Variants in RYK observed in about 807,000 individuals in gnomAD.
The protein encoded by RYK is inactive tyrosine-protein kinase RYK.
Under a neutral mutation model 70.2 loss-of-function variants are expected in RYK, and 21 were observed. The observed-to-expected ratio is 0.30, with a 90% CI of 0.21 to 0.43. The LOEUF is 0.43. RYK is among the 20% of genes least tolerant of loss of function. The probability of loss-of-function intolerance (pLI) is 1.00; values close to 1 mark genes in which losing one functional copy is unlikely to be tolerated. For missense variants in RYK, 604 were observed against 753.3 expected (o/e 0.80, Z 2.32); for synonymous variants, 267 against 278.0 (o/e 0.96, Z 0.39).
At chr3:134,248,434 A>C (rs1042371950) in intron 1 of RYK, among the ~76,000 whole-genome samples, 5 of 152,186 alleles carry the variant, frequency 3.3e-5, no homozygotes, top group Non-Finnish European at 7.3e-5. Context: ...TTTATTTTCC[A>C]CCATGACATA....
intron 1 of RYK, among the ~76,000 whole-genome samples, chr3:134,225,057 G>A (rs993290876): frequency 1.2e-4 from 19 of 152,156 alleles, no homozygotes; most frequent in African/African-American, 4.6e-4. Context: ...AGCACTAGCT[G>A]GGTAGCACTG....
intron 8 of RYK, among the ~76,000 whole-genome samples, chr3:134,190,249 C>G (rs2013604781): frequency 6.6e-6 from 1 of 152,174 alleles, no homozygotes; most frequent in Non-Finnish European, 1.5e-5. Context: ...AAGGTTTTCC[C>G]TTCTCTCTCC....
At chr3:134,215,047 T>TTATC (rs1187295729) in intron 2 of RYK, among the ~76,000 whole-genome samples, 1 of 152,230 alleles carries the variant, frequency 6.6e-6, no homozygotes, top group Non-Finnish European at 1.5e-5. Flanking sequence ...TTCTATCTAA[T>TTATC]TATCCTACAG....
chr3:134,158,148 A>G lies in RYK; in HGVS notation c.*5T>C. 2 of 1,439,254 alleles carry G rather than the reference A, an allele frequency of 1.4e-6. No homozygotes were observed. Among genetic ancestry groups the G allele is most frequent in the East Asian group, 2.6e-5 (1 of 38,170 alleles). The allele number at this position is 1,439,254 out of a possible 1,614,324, so 89.2% of individuals were successfully genotyped here. On this transcript the variant is annotated 3_prime_UTR_variant, in exon 15 of 15. Transcript: ENST00000623711. ...TCTTCCTGATGGTGTGGGATTGGAG[A>G]GGAGTCAGACGTAGGCCCCCAGGGC...
chr3:134,250,426 T>C lies in RYK; in HGVS notation c.229A>G (p.Ile77Val). 1 of 1,400,136 alleles carries C rather than the reference T, an allele frequency of 7.1e-7. No homozygotes were observed. The highest frequency in any genetic ancestry group is 9.3e-7 in the Non-Finnish European group (1 of 1,074,640). 86.7% of individuals were successfully genotyped at this position (1,400,136 alleles called of 1,614,324 possible). The change falls in exon 1 of 15, where the codon ATC becomes GTC. Residue 77 changes from isoleucine (I) to valine (V), a missense_variant. Physicochemically the swap from Ile to Val is conservative, Grantham distance 29. This residue lies in a region of RYK where 466 missense variants were observed against 535.9 expected (regional missense o/e 0.87). Coordinates refer to ENST00000623711, the MANE Select transcript of RYK (RefSeq NM_002958.4). ...CGGCCTCGGCGGCCCCACTCACCGA[T>C]CAGCCGGCGCACCTCGTCCTCGCTC... ...YLSEDEVRRL[I>V]GLDAELYYVR...
chr3:134,239,360 G>A (rs2015265814), intron 1 of RYK, among the ~76,000 whole-genome samples: 1 of 152,040 alleles, frequency 6.6e-6, no homozygotes. Flanking sequence ...CTATTTAGAG[G>A]CTGAGACAGA....
At chr3:134,224,222 A>T (rs757113489) in intron 1 of RYK, among the ~76,000 whole-genome samples, 16 of 152,138 alleles carry the variant, frequency 1.1e-4, no homozygotes, top group Non-Finnish European at 2.1e-4. Flanking sequence ...TATTGTATAC[A>T]AGGCAAGGGG....
rs1010932629 is a variant in RYK at position 134,160,796 on chromosome 3, G to A, written c.1576-1423C>T. Reference sequence around the variant, plus strand: ...CTTAAACCCGGGAGGCGGAGGTTGCGGTGAGCCGAGATCGCGCCACTGCAC... The same window carrying A: ...CTTAAACCCGGGAGGCGGAGGTTGCAGTGAGCCGAGATCGCGCCACTGCAC... On this transcript the variant is annotated intron_variant, in intron 13 of 14. Coordinates refer to ENST00000623711, the MANE Select transcript of RYK (RefSeq NM_002958.4). Among the ~76,000 whole-genome samples the A allele has an allele frequency of 5.3e-5, 8 of 152,260 alleles. No individual in the cohort carries two copies. The East Asian group carries it at 7.7e-4, about 15-fold the overall frequency.
chr3:134,197,068 T>C (rs2013840183), intron 6 of RYK, among the ~76,000 whole-genome samples: 1 of 152,204 alleles, frequency 6.6e-6, no homozygotes, highest in Non-Finnish European at 1.5e-5. Context: ...AAACTGCAAT[T>C]ACTGCACCAA....
intron 7 of RYK, among the ~76,000 whole-genome samples, chr3:134,193,065 G>GTA (rs1024274677): frequency 8.6e-5 from 13 of 151,808 alleles, no homozygotes; most frequent in African/African-American, 2.2e-4. Context: ...TTTGTTTTCA[G>GTA]TATATATATA....
At chr3:134,229,685 T>A (rs1050318138) in intron 1 of RYK, among the ~76,000 whole-genome samples, 6 of 152,158 alleles carry the variant, frequency 3.9e-5, no homozygotes, top group Non-Finnish European at 7.3e-5. Context: ...TAATTTTTTT[T>A]AATGATTTGT....
At chr3:134,188,146 T>G (rs1470546802) in intron 9 of RYK, among the ~76,000 whole-genome samples, 1 of 141,154 alleles carries the variant, frequency 7.1e-6, no homozygotes, top group African/African-American at 2.6e-5. Flanking sequence ...GAGGACAATC[T>G]AACAATATAT....
intron 5 of RYK, among the ~76,000 whole-genome samples, chr3:134,203,327 G>A (rs966701243): frequency 2.0e-5 from 3 of 152,090 alleles, no homozygotes; most frequent in Non-Finnish European, 2.9e-5. Flanking sequence ...CAGCGTGGGC[G>A]ACAGACCATC....
In RYK at chr3:134,209,733, G is replaced by T; in HGVS notation, c.551C>A (p.Thr184Asn). 1 of 1,494,806 alleles carries T rather than the reference G, an allele frequency of 6.7e-7. No homozygotes were observed. Among genetic ancestry groups the T allele is most frequent in the Non-Finnish European group, 8.9e-7 (1 of 1,120,380 alleles). The allele number at this position is 1,494,806 out of a possible 1,614,324, so 92.6% of individuals were successfully genotyped here. A position where few individuals can be genotyped will look rare whatever the true frequency, so the allele number is the denominator to read the frequency against. ...TTTCCTTCGTTTAAAATTTAAGACG[G>T]TAAAATTTTTTGAAGAATTTACTGT... The part of the protein sequence containing the change: ...NLTVNSSKNF[T>N]VLNFKRRKMC... Residue 184 changes from threonine to asparagine, a missense_variant, in exon 4 of 15, where the codon ACC becomes AAC. Thr to Asn is a moderately conservative substitution (Grantham distance 65, BLOSUM62 0). This residue lies in a region of RYK where 466 missense variants were observed against 535.9 expected (regional missense o/e 0.87). Coordinates refer to ENST00000623711, the MANE Select transcript of RYK (RefSeq NM_002958.4).
chr3:134,166,480 T>G (rs2012672078), intron 13 of RYK, among the ~76,000 whole-genome samples: 1 of 152,210 alleles, frequency 6.6e-6, no homozygotes, highest in Non-Finnish European at 1.5e-5. Context: ...TCAGCAATCT[T>G]TAAGCAGAGT....
intron 6 of RYK, among the ~76,000 whole-genome samples, chr3:134,201,673 A>G (rs748235648): frequency 2.6e-5 from 4 of 152,190 alleles, no homozygotes; most frequent in Non-Finnish European, 5.9e-5. Flanking sequence ...TGGGAAGAAG[A>G]AAGCATGAAC....
rs951202440 is a variant in RYK at position 134,207,539 on chromosome 3, A to C, written c.590-14T>G. On this transcript the variant is annotated splice_polypyrimidine_tract_variant and intron_variant, in intron 4 of 14. Coordinates refer to ENST00000623711, the MANE Select transcript of RYK (RefSeq NM_002958.4). ...CTTCTTCAAGTTCTGAATTTAAAGG[A>C]GAAAAATGATGCTTTAGAAATTCTC... 4.6e-6 allele frequency: 7 copies of C among 1,510,018 alleles called. No homozygotes were observed. The highest frequency in any genetic ancestry group is 5.4e-6 in the Non-Finnish European group (6 of 1,117,562). 93.5% of individuals were successfully genotyped at this position (1,510,018 alleles called of 1,614,324 possible). A position where few individuals can be genotyped will look rare whatever the true frequency, so the allele number is the denominator to read the frequency against.
chr3:134,242,621 A>G (rs1056407500), intron 1 of RYK, among the ~76,000 whole-genome samples: 2 of 152,172 alleles, frequency 1.3e-5, no homozygotes, highest in Non-Finnish European at 2.9e-5. Context: ...AGCTGGCAAG[A>G]TTTTTCAGAA....
chr3:134,217,944 T>C (rs2014611579), intron 2 of RYK, among the ~76,000 whole-genome samples: 1 of 152,222 alleles, frequency 6.6e-6, no homozygotes, highest in African/African-American at 2.4e-5. Flanking sequence ...ACTGCAATAG[T>C]GGCTGAAGCC....
Sources: gnomAD v4.1 joint callset for allele counts (sites outside exome capture counted in the v4.1 genomes callset) on GRCh38, gnomAD v4.1.1 for gene constraint, gnomAD v4.1.1 regional missense constraint, MANE v1.5 for transcripts, NCBI Gene and HGNC (gene_info 2026-07-23, HGNC 2026-07-21) for gene names.